WARS1: variants seen among roughly 807,000 people sequenced by gnomAD.
The protein encoded by WARS1 is tryptophan--tRNA ligase, cytoplasmic.
Under a neutral mutation model 47.8 loss-of-function variants are expected in WARS1, and 17 were observed. That is an observed-to-expected ratio of 0.36 (90% CI 0.24 to 0.53). The LOEUF is 0.53. Among genes scored for constraint, WARS1 ranks in the 20% least tolerant of loss-of-function variants. WARS1 has a pLI of 0.91. For synonymous variants in WARS1, 208 were observed against 228.1 expected (o/e 0.91, Z 0.79); for missense variants, 434 against 608.0 (o/e 0.71, Z 3.01).
chr14:100,342,105 T>C (rs1403344847), intron 9 of WARS1: 3 of 390,934 alleles, frequency 7.7e-6, no homozygotes, highest in Non-Finnish European at 1.5e-5. Flanking sequence ...GAAATTGCCA[T>C]GACTTTGCCT....
rs1217009129 is a variant in WARS1 at position 100,360,652 on chromosome 14, T to A, written c.324A>T (p.Gly108=). The stretch of plus-strand genomic sequence containing the variant: ...TTAGCTCTTTGTCAATTTTACTACT[T>A]CCAAACCGAACTGGAAAAAAAGAAA... ...IDYDKLIVRF[G]SSKIDKELIN... is the part of the protein sequence containing the mutation. Residue 108 remains glycine, a synonymous_variant, in exon 4 of 11, where the codon GGA becomes GGT. Transcript: ENST00000392882. The A allele has an allele frequency of 6.2e-7, 1 of 1,613,126 alleles. No individual in the cohort carries two copies. Among genetic ancestry groups the A allele is most frequent in the Non-Finnish European group, 8.5e-7 (1 of 1,179,478 alleles).
chr14:100,336,513 GC>G (rs1893745515), intron 10 of WARS1, among the ~76,000 whole-genome samples: 6 of 152,098 alleles, frequency 3.9e-5, no homozygotes, highest in Admixed American at 3.9e-4. Flanking sequence ...TGAACTTTTT[GC>G]TATTATCATT....
At chr14:100,366,317 T>A (rs1224479384) in intron 2 of WARS1, among the ~76,000 whole-genome samples, 2 of 152,116 alleles carry the variant, frequency 1.3e-5, no homozygotes, top group Non-Finnish European at 2.9e-5. Context: ...CTAAAGACCT[T>A]GACACGAAAG....
At chr14:100,364,313 C>G (rs1595453321) in intron 2 of WARS1, among the ~76,000 whole-genome samples, 1 of 152,132 alleles carries the variant, frequency 6.6e-6, no homozygotes, top group South Asian at 2.1e-4. Flanking sequence ...GACTTATTTC[C>G]CCCTAGGAAA....
chr14:100,356,842 C>T (rs1288147266), intron 4 of WARS1, among the ~76,000 whole-genome samples: 2 of 152,152 alleles, frequency 1.3e-5, no homozygotes, highest in East Asian at 1.9e-4. Context: ...AAGAAAACTA[C>T]AGACCAATAT....
intron 2 of WARS1, chr14:100,366,204 C>T (rs972838572): frequency 1.9e-5 from 8 of 431,544 alleles, no homozygotes; most frequent in African/African-American, 8.1e-5. Flanking sequence ...CAGCCCTTCT[C>T]TCCCACTCAG....
At chr14:100,357,996 A>T (rs1895434624) in intron 4 of WARS1, among the ~76,000 whole-genome samples, 1 of 152,220 alleles carries the variant, frequency 6.6e-6, no homozygotes, top group Non-Finnish European at 1.5e-5. Flanking sequence ...CCACAAATGA[A>T]TCTACAGATT....
intron 2 of WARS1, chr14:100,365,449 G>T: frequency 4.1e-6 from 1 of 246,718 alleles, no homozygotes; most frequent in Non-Finnish European, 8.3e-6. Flanking sequence ...GTGTGGTGGC[G>T]GGCGCCTGCA....
At chr14:100,367,458 G>C (rs1243428751) in intron 2 of WARS1, among the ~76,000 whole-genome samples, 5 of 151,436 alleles carry the variant, frequency 3.3e-5, no homozygotes, top group African/African-American at 4.9e-5. Context: ...TATGGTGGCG[G>C]ATGCCTGTAA....
At position 100,346,756 on chromosome 14, in the gene WARS1, G is replaced by A. The variant is rs141490520; in HGVS notation, c.816C>T (p.Ser272=). The change falls in exon 7 of 11, where the codon AGC becomes AGT. Residue 272 remains serine (S), a synonymous_variant. Coordinates refer to ENST00000392882, the MANE Select transcript of WARS1 (RefSeq NM_004184.4). ...QVKGIFGFTD[S]DCIGKISFPA... ...CAGTGGGCCTCTTACCAATGCAGTCGCTGTCAGTGAAGCCGAAAATGCCTT... is the reference window on the plus strand; with the variant it reads ...CAGTGGGCCTCTTACCAATGCAGTCACTGTCAGTGAAGCCGAAAATGCCTT... 31 of 1,613,736 alleles carry A rather than the reference G, an allele frequency of 1.9e-5. No individual in the cohort carries two copies. In the South Asian group the frequency reaches 2.2e-4, roughly 11 times the overall value.
At chr14:100,352,946 G>A (rs538056166) in intron 6 of WARS1, 1 of 152,350 alleles carries the variant, frequency 6.6e-6, no homozygotes, top group South Asian at 2.1e-4. Context: ...TGAGGAAACT[G>A]TGTAACCACT....
intron 9 of WARS1, among the ~76,000 whole-genome samples, chr14:100,339,457 G>A (rs11624974): frequency 0.33 from 49,484 of 151,806 alleles, 8,769 homozygotes; most frequent in East Asian, 0.51. Flanking sequence ...GGGTGTGGTG[G>A]TGGGCGCCTG....
Position 100,343,339 on chromosome 14 carries a change from G to C in WARS1, c.875C>G (p.Ser292Ter). The change falls in exon 8 of 11, where the codon TCA becomes TGA. Residue 292 changes from serine (S) to a stop codon, truncating the protein, a stop_gained. Transcript: ENST00000392882. LOFTEE classifies it high-confidence loss of function. ...AIQAAPSFSN[S>*]FPQIFRDRTD... ...CCTGTCTCGGAAGATCTGTGGGAAT[G>C]AGTTGCTGAAGGAGGGAGCAGCCTG... The C allele has an allele frequency of 3.7e-6, 6 of 1,613,500 alleles. No individual in the cohort carries two copies. The highest frequency in any genetic ancestry group is 5.1e-6 in the Non-Finnish European group (6 of 1,179,564).
At chr14:100,351,060 C>T (rs1894948299) in intron 6 of WARS1, among the ~76,000 whole-genome samples, 1 of 152,012 alleles carries the variant, frequency 6.6e-6, no homozygotes, top group Admixed American at 6.5e-5. Flanking sequence ...GAACACAGGG[C>T]CAATCACGAA....
intron 4 of WARS1, among the ~76,000 whole-genome samples, chr14:100,358,424 G>A (rs983088405): frequency 7.9e-5 from 12 of 152,120 alleles, no homozygotes; most frequent in African/African-American, 2.2e-4. Flanking sequence ...GAGCCACTGC[G>A]CCCAGCCAAG....
intron 6 of WARS1, among the ~76,000 whole-genome samples, chr14:100,350,544 G>A (rs1479617532): frequency 6.6e-6 from 1 of 152,180 alleles, no homozygotes; most frequent in African/African-American, 2.4e-5. Flanking sequence ...TGCTCAGGTG[G>A]TGGTCTTTTC....
chr14:100,343,713 C>A (rs931472081), intron 7 of WARS1, among the ~76,000 whole-genome samples: 3 of 151,882 alleles, frequency 2.0e-5, no homozygotes, highest in Non-Finnish European at 4.4e-5. Flanking sequence ...CTCAGCTCAC[C>A]GCTACCTCTG....
intron 2 of WARS1, among the ~76,000 whole-genome samples, chr14:100,366,322 C>A (rs545273639): frequency 2.0e-5 from 3 of 152,144 alleles, no homozygotes. Context: ...GACCTTGACA[C>A]GAAAGATTCC....
intron 2 of WARS1, among the ~76,000 whole-genome samples, chr14:100,364,942 G>T (rs1212895618): frequency 6.6e-6 from 1 of 151,658 alleles, no homozygotes; most frequent in Non-Finnish European, 1.5e-5. Context: ...ACTTTTTTTT[G>T]ACATTACTTT....
Sources: gnomAD v4.1 joint callset for allele counts (sites outside exome capture counted in the v4.1 genomes callset) on GRCh38, gnomAD v4.1.1 for gene constraint, MANE v1.5 for transcripts, NCBI Gene and HGNC (gene_info 2026-07-23, HGNC 2026-07-21) for gene names.